The following SLC24A3 variants were observed in gnomAD, a reference collection of about 807,000 sequenced individuals.
SLC24A3 encodes the protein solute carrier family 24 member 3, also known as sodium/potassium/calcium exchanger 3.
SLC24A3 carries 28 observed loss-of-function variants against 75.8 expected under a neutral mutation model. The ratio of observed to expected loss-of-function variants is 0.37; its 90% CI spans 0.27 to 0.51. The LOEUF (loss-of-function observed/expected upper bound fraction) is 0.51. Among genes scored for constraint, SLC24A3 ranks in the 20% least tolerant of loss-of-function variants. The pLI is 0.94. For synonymous variants in SLC24A3, 372 were observed against 334.1 expected, an observed-to-expected ratio of 1.11 and a Z score of -1.24; for missense variants, 663 against 847.8, an observed-to-expected ratio of 0.78 and a Z score of 2.71.
chr20:19,673,682 A>G (rs2032493826), intron 9 of SLC24A3, 28 bp downstream of exon 9: 1 of 1,589,860 alleles, frequency 6.3e-7, no homozygotes, highest in South Asian at 1.1e-5. Flanking sequence ...TTTCTTATCC[A>G]AAACTGTTTC....
intron 2 of SLC24A3, among the ~76,000 whole-genome samples, chr20:19,282,537 G>A (rs991901812): frequency 6.6e-6 from 1 of 152,254 alleles, no homozygotes; most frequent in Non-Finnish European, 1.5e-5. Flanking sequence ...CCAAGGACTA[G>A]CCTGAAAAGG....
At chr20:19,482,908 T>C (rs963883947) in intron 2 of SLC24A3, among the ~76,000 whole-genome samples, 1 of 152,220 alleles carries the variant, frequency 6.6e-6, no homozygotes, top group Non-Finnish European at 1.5e-5. Flanking sequence ...AGGTTTATGA[T>C]TCAGTGTGAA....
At chr20:19,222,204 C>T (rs1462483378) in intron 1 of SLC24A3, among the ~76,000 whole-genome samples, 1 of 152,142 alleles carries the variant, frequency 6.6e-6, no homozygotes, top group Non-Finnish European at 1.5e-5. Flanking sequence ...ATATCATCTC[C>T]CATATCCCTA....
chr20:19,577,540 A>T (rs948752347), intron 3 of SLC24A3, among the ~76,000 whole-genome samples: 15 of 152,238 alleles, frequency 9.9e-5, no homozygotes, highest in African/African-American at 3.6e-4. Flanking sequence ...TTACACAAGA[A>T]ATACTATTTC....
chr20:19,511,136 C>T (rs1988529167), intron 2 of SLC24A3, among the ~76,000 whole-genome samples: 1 of 152,134 alleles, frequency 6.6e-6, no homozygotes, highest in Non-Finnish European at 1.5e-5. Context: ...ACTGTGCCAG[C>T]CCCTTCCCCT....
At chr20:19,552,531 C>T (rs1242553323) in intron 3 of SLC24A3, among the ~76,000 whole-genome samples, 1 of 152,192 alleles carries the variant, frequency 6.6e-6, no homozygotes, top group Non-Finnish European at 1.5e-5. Flanking sequence ...TAAGACACTT[C>T]TTGCCATTAT....
intron 7 of SLC24A3, among the ~76,000 whole-genome samples, chr20:19,654,672 G>C (rs1320137449): frequency 1.7e-5 from 2 of 115,480 alleles, no homozygotes; most frequent in Non-Finnish European, 3.3e-5. Flanking sequence ...TTTTGAGATA[G>C]AGTCTCACTC....
intron 2 of SLC24A3, among the ~76,000 whole-genome samples, chr20:19,364,426 C>G (rs6136690): frequency 0.057 from 8,608 of 151,734 alleles, 688 homozygotes; most frequent in East Asian, 0.29. Flanking sequence ...AAGGTGTCCA[C>G]ACACGGCTCT....
chr20:19,620,846 T>C (rs1469506418), intron 6 of SLC24A3, among the ~76,000 whole-genome samples: 1 of 152,148 alleles, frequency 6.6e-6, no homozygotes, highest in Non-Finnish European at 1.5e-5. Flanking sequence ...AATGATGGGG[T>C]TCACCAGCTC....
intron 2 of SLC24A3, among the ~76,000 whole-genome samples, chr20:19,363,679 G>T (rs954205894): frequency 6.6e-6 from 1 of 152,180 alleles, no homozygotes; most frequent in African/African-American, 2.4e-5. Flanking sequence ...CCCTCGTGTG[G>T]CTTATTGTTT....
At chr20:19,687,375 G>A (rs2032689528) in intron 12 of SLC24A3, among the ~76,000 whole-genome samples, 1 of 152,140 alleles carries the variant, frequency 6.6e-6, no homozygotes, top group South Asian at 2.1e-4. Flanking sequence ...TCAGGCACCT[G>A]CACAATCTCT....
At chr20:19,695,226 G>C (rs1033933802) in intron 13 of SLC24A3, among the ~76,000 whole-genome samples, 2 of 152,180 alleles carry the variant, frequency 1.3e-5, no homozygotes, top group African/African-American at 4.8e-5. Context: ...GTGAAGTCAG[G>C]GTTCCGGGTG....
intron 3 of SLC24A3, among the ~76,000 whole-genome samples, chr20:19,578,510 A>T (rs532378518): frequency 6.6e-6 from 1 of 151,230 alleles, no homozygotes; most frequent in Non-Finnish European, 1.5e-5. Flanking sequence ...CAGCTTCTCC[A>T]CTTATCTCTG....
intron 3 of SLC24A3, among the ~76,000 whole-genome samples, chr20:19,526,830 A>T (rs1568644962): frequency 6.6e-6 from 1 of 152,188 alleles, no homozygotes; most frequent in Non-Finnish European, 1.5e-5. Flanking sequence ...GATAGTATCT[A>T]CTTCATAGGG....
intron 2 of SLC24A3, among the ~76,000 whole-genome samples, chr20:19,454,296 A>T (rs1223099787): frequency 3.9e-5 from 6 of 152,228 alleles, no homozygotes; most frequent in Admixed American, 3.3e-4. Flanking sequence ...GATCCATAAT[A>T]GATTTAAGGT....
At chr20:19,490,305 G>GA (rs1406786851) in intron 2 of SLC24A3, among the ~76,000 whole-genome samples, 1 of 152,202 alleles carries the variant, frequency 6.6e-6, no homozygotes, top group Non-Finnish European at 1.5e-5. Context: ...TCCCAAAACA[G>GA]AAACTCTCTC....
At chr20:19,249,198 C>T (rs1982579384) in intron 1 of SLC24A3, among the ~76,000 whole-genome samples, 1 of 152,004 alleles carries the variant, frequency 6.6e-6, no homozygotes, top group African/African-American at 2.4e-5. Flanking sequence ...ATTTTGAGAA[C>T]CAAAGTGTTT....
In SLC24A3 at chr20:19,229,186, G is replaced by T. The variant is rs535487309; in HGVS notation, c.142+16202G>T. On this transcript the variant is annotated intron_variant, in intron 1 of 16. Transcript: ENST00000328041. ...TACTTTTTTTGTTTTAATTTGTTCT[G>T]TAATTGAGATCATATAAACTTTTCT... 8.5e-5 allele frequency among the ~76,000 whole-genome samples: 13 copies of T among 152,072 alleles called. 1 individual carries two copies. The South Asian group carries it at 2.7e-3, about 32-fold the overall frequency.
At chr20:19,223,556 C>G (rs1312217575) in intron 1 of SLC24A3, among the ~76,000 whole-genome samples, 1 of 152,016 alleles carries the variant, frequency 6.6e-6, no homozygotes, top group African/African-American at 2.4e-5. Flanking sequence ...TTTCCTATAC[C>G]TATATAACCA....
Sources: allele counts gnomAD v4.1 joint callset (sites outside exome capture counted in the v4.1 genomes callset), GRCh38; gene constraint gnomAD v4.1.1; transcripts MANE v1.5; gene names NCBI Gene and HGNC (gene_info 2026-07-23, HGNC 2026-07-21).